The following AGPAT4 variants were observed in gnomAD, a reference collection of about 807,000 sequenced individuals.
AGPAT4 encodes the protein 1-acyl-sn-glycerol-3-phosphate acyltransferase delta.
A neutral mutation model predicts 48.0 loss-of-function variants in AGPAT4; 15 were observed. That is an observed-to-expected ratio of 0.31 (90% CI 0.21 to 0.48). The LOEUF is 0.48. AGPAT4 is among the 20% of genes least tolerant of loss of function. The pLI is 0.99. For synonymous variants in AGPAT4, 178 were observed against 198.7 expected, an observed-to-expected ratio of 0.90 and a Z score of 0.88; for missense variants, 314 against 482.5, an observed-to-expected ratio of 0.65 and a Z score of 3.27.
Position 161,136,240 on chromosome 6 carries a change from C to T in AGPAT4, c.*300G>A, listed in dbSNP as rs934047965. ...CGGTCCCCAGCCCTGCCCTCCCCTG[C>T]AGCCTAAAATACCCTTTCTATGATC... On this transcript the variant is annotated 3_prime_UTR_variant, in exon 9 of 9. Transcript: ENST00000320285. 2.5e-5 allele frequency: 9 copies of T among 362,068 alleles called. No homozygotes were observed. In the Admixed American group the frequency reaches 4.0e-4, roughly 16 times the overall value. The allele number at this position is 362,068 out of a possible 1,614,324, so 22.4% of individuals were successfully genotyped here. A position where few individuals can be genotyped will look rare whatever the true frequency, so the allele number is the denominator to read the frequency against.
Position 161,219,916 on chromosome 6 carries a change from C to CAGGCAGGCAGGCAGGCGGCAGGCA in AGPAT4, c.178+12119_178+12120insTGCCTGCCGCCTGCCTGCCTGCCT, listed in dbSNP as rs770490075. On this transcript the variant is annotated intron_variant, in intron 2 of 8. Transcript: ENST00000320285. The surrounding 1 kb of genome is among the most constrained non-coding windows in gnomAD (Gnocchi z 4.9). ...GCAGGCAGGCAGGCAGGCAGGCAGG[C>CAGGCAGGCAGGCAGGCGGCAGGCA]GGCAGGCAGGCAGGCAGGCAGGCAG... 1.2e-3 allele frequency among the ~76,000 whole-genome samples: 125 copies of CAGGCAGGCAGGCAGGCGGCAGGCA among 106,030 alleles called. No homozygotes were observed. The highest frequency in any genetic ancestry group is 1.6e-3 in the Non-Finnish European group (78 of 49,242). 69.6% of individuals were successfully genotyped at this position (106,030 alleles called of 152,430 possible).
intron 2 of AGPAT4, among the ~76,000 whole-genome samples, chr6:161,172,367 C>A (rs907862983): frequency 1.3e-5 from 2 of 152,218 alleles, no homozygotes; most frequent in Non-Finnish European, 2.9e-5. Flanking sequence ...ACCTGCCGAG[C>A]ACAGGGGGCA....
At position 161,149,093 on chromosome 6, in the gene AGPAT4, C is replaced by A; in HGVS notation, c.767+94G>T. ...AGACTGCAAAGAAGTCAGTGTGACC[C>A]AGGGATCCCTGGAAGAAAGTCTCTA... is the stretch of plus-strand genomic sequence containing the variant. On this transcript the variant is annotated intron_variant, in intron 6 of 8. Coordinates refer to ENST00000320285, the MANE Select transcript of AGPAT4 (RefSeq NM_020133.3). The surrounding 1 kb of genome is among the most constrained non-coding windows in gnomAD (Gnocchi z 6.5). 1 of 1,480,500 alleles carries A rather than the reference C, an allele frequency of 6.8e-7. No homozygotes were observed. Among genetic ancestry groups the A allele is most frequent in the Non-Finnish European group, 9.0e-7 (1 of 1,112,010 alleles). The allele number at this position is 1,480,500 out of a possible 1,614,324, so 91.7% of individuals were successfully genotyped here.
At position 161,136,558 on chromosome 6, in the gene AGPAT4, C is replaced by CT; in HGVS notation, c.1118dup (p.Gln374AlafsTer5). ...CCCTGAGTCAGTCATTCAGTTTCTG[C>CT]TTGCTGTCAGAGTTGCCGTAGGCAG... On this transcript the variant is annotated frameshift_variant, in exon 9 of 9. Coordinates refer to ENST00000320285, the MANE Select transcript of AGPAT4 (RefSeq NM_020133.3). LOFTEE classifies it high-confidence loss of function. 6.2e-7 allele frequency: 1 copy of CT among 1,614,170 alleles called. No individual in the cohort carries two copies. The highest frequency in any genetic ancestry group is 8.5e-7 in the Non-Finnish European group (1 of 1,180,032).
chr6:161,240,132 T>G lies in AGPAT4; in HGVS notation c.-89-7830A>C, dbSNP rs1214756001. Among the ~76,000 whole-genome samples the G allele has an allele frequency of 6.7e-6, 1 of 149,798 alleles. No individual in the cohort carries two copies. The highest frequency in any genetic ancestry group is 1.5e-5 in the Non-Finnish European group (1 of 67,586). ...TGATATTAAGTGACAGGATACAAAA[T>G]CATGTGGAGAAAATAATCACAACTC... On this transcript the variant is annotated intron_variant, in intron 1 of 8. Transcript: ENST00000320285. This position sits in a 1 kb window ranked among gnomAD's most constrained non-coding sequence, Gnocchi z 5.5.
Position 161,143,095 on chromosome 6 carries a change from C to G in AGPAT4, c.843+3429G>C, listed in dbSNP as rs938742075. ...TCCTTCACTTATTTCTCTTTAGAGACAGGGTCTTGCTCTGCTGCCCAGGCT... is the reference window on the plus strand; with the variant it reads ...TCCTTCACTTATTTCTCTTTAGAGAGAGGGTCTTGCTCTGCTGCCCAGGCT... On this transcript the variant is annotated intron_variant, in intron 7 of 8. Coordinates refer to ENST00000320285, the MANE Select transcript of AGPAT4 (RefSeq NM_020133.3). This position sits in a 1 kb window ranked among gnomAD's most constrained non-coding sequence, Gnocchi z 4.7. Among the ~76,000 whole-genome samples the G allele has an allele frequency of 6.6e-6, 1 of 152,192 alleles. No individual in the cohort carries two copies. The highest frequency in any genetic ancestry group is 1.5e-5 in the Non-Finnish European group (1 of 68,044).
At chr6:161,174,209 G>A (rs1012758135) in intron 2 of AGPAT4, among the ~76,000 whole-genome samples, 47 of 152,218 alleles carry the variant, frequency 3.1e-4, no homozygotes, top group African/African-American at 1.1e-3. Context: ...TGATAGGGAT[G>A]GCATTGAATC....
In AGPAT4 at chr6:161,202,513, G is replaced by A. The variant is rs778763473; in HGVS notation, c.178+29523C>T. 2.2e-4 allele frequency among the ~76,000 whole-genome samples: 34 copies of A among 152,098 alleles called. No homozygotes were observed. The highest frequency in any genetic ancestry group is 3.4e-4 in the African/African-American group (14 of 41,398). ...TTGAAGAGAAGAGAGTTACTAGCCC[G>A]CACTCAGGAGTTAGGGAAATGGGGT... On this transcript the variant is annotated intron_variant, in intron 2 of 8. Coordinates refer to ENST00000320285, the MANE Select transcript of AGPAT4 (RefSeq NM_020133.3). This position sits in a 1 kb window ranked among gnomAD's most constrained non-coding sequence, Gnocchi z 5.4.
Position 161,235,439 on chromosome 6 carries a change from T to C in AGPAT4, c.-89-3137A>G, listed in dbSNP as rs1356285631. 6.6e-6 allele frequency among the ~76,000 whole-genome samples: 1 copy of C among 152,210 alleles called. No homozygotes were observed. The highest frequency in any genetic ancestry group is 2.4e-5 in the African/African-American group (1 of 41,462). On this transcript the variant is annotated intron_variant, in intron 1 of 8. Coordinates refer to ENST00000320285, the MANE Select transcript of AGPAT4 (RefSeq NM_020133.3). This position sits in a 1 kb window ranked among gnomAD's most constrained non-coding sequence, Gnocchi z 6.2. ...GATTAAAAGAAACGTGGCTGAATTA[T>C]GTAGGGGTGTGTCTGGAGGACAAAT... is the stretch of plus-strand genomic sequence containing the variant.
chr6:161,133,117 C>T lies in AGPAT4; in HGVS notation c.*3423G>A, dbSNP rs923434454. The T allele has an allele frequency of 6.6e-6, 1 of 152,196 alleles. No individual in the cohort carries two copies. Among genetic ancestry groups the T allele is most frequent in the African/African-American group, 2.4e-5 (1 of 41,432 alleles). 9.4% of individuals were successfully genotyped at this position (152,196 alleles called of 1,614,324 possible). ...ACCCTAGAGAATCTTCACTGGATAC[C>T]TTGCTTCACACTTTGGTCAATATTT... On this transcript the variant is annotated 3_prime_UTR_variant, in exon 9 of 9. Transcript: ENST00000320285.
In AGPAT4 at chr6:161,134,808, C is replaced by T. The variant is rs10945713; in HGVS notation, c.*1732G>A. The T allele has an allele frequency of 0.33, 50,555 of 152,224 alleles. 9,485 individuals carry two copies. Among genetic ancestry groups the T allele is most frequent in the Non-Finnish European group, 0.41 (28,057 of 68,046 alleles). 9.4% of individuals were successfully genotyped at this position (152,224 alleles called of 1,614,324 possible). A position where few individuals can be genotyped will look rare whatever the true frequency, so the allele number is the denominator to read the frequency against. The stretch of plus-strand genomic sequence containing the variant: ...CTAAGGTCACGTCCTGGGCTTTTGC[C>T]CACAGATCTCTGCACACGGTGCTTC... On this transcript the variant is annotated 3_prime_UTR_variant, in exon 9 of 9. Coordinates refer to ENST00000320285, the MANE Select transcript of AGPAT4 (RefSeq NM_020133.3).
chr6:161,184,536 T>G lies in AGPAT4; in HGVS notation c.179-18119A>C, dbSNP rs1780711027. ...AGTGGTAGGTTCTCGTGATGTTCTG[T>G]GTAGCCCTGGCCTCCCCTGGCCCTG... On this transcript the variant is annotated intron_variant, in intron 2 of 8. Transcript: ENST00000320285. This position sits in a 1 kb window ranked among gnomAD's most constrained non-coding sequence, Gnocchi z 4.8. Among the ~76,000 whole-genome samples, 2 of 152,134 alleles carry G rather than the reference T, an allele frequency of 1.3e-5. No homozygotes were observed. Among genetic ancestry groups the G allele is most frequent in the African/African-American group, 4.8e-5 (2 of 41,498 alleles).
rs1782177472 is a variant in AGPAT4 at position 161,233,246 on chromosome 6, T to A, written c.-89-944A>T. On this transcript the variant is annotated intron_variant, in intron 1 of 8. Coordinates refer to ENST00000320285, the MANE Select transcript of AGPAT4 (RefSeq NM_020133.3). This position sits in a 1 kb window ranked among gnomAD's most constrained non-coding sequence, Gnocchi z 5.4. ...AATCAGTCTCCAGCTCAAAACAGAA[T>A]AATGAAATGACTTTACAGTTTGGGA... is the stretch of plus-strand genomic sequence containing the variant. Among the ~76,000 whole-genome samples the A allele has an allele frequency of 6.6e-6, 1 of 152,048 alleles. No homozygotes were observed. The highest frequency in any genetic ancestry group is 1.5e-5 in the Non-Finnish European group (1 of 68,028).
chr6:161,267,773 G>A lies in AGPAT4; in HGVS notation c.-90+6165C>T, dbSNP rs1783309284. On this transcript the variant is annotated intron_variant, in intron 1 of 8. Transcript: ENST00000320285. This position sits in a 1 kb window ranked among gnomAD's most constrained non-coding sequence, Gnocchi z 5.2. ...TAGCTGGGCATGTTAGTACACACCTGTAGTCCCAGCTACTTGGGAAGCTGA... is the reference window on the plus strand; with the variant it reads ...TAGCTGGGCATGTTAGTACACACCTATAGTCCCAGCTACTTGGGAAGCTGA... Among the ~76,000 whole-genome samples the A allele has an allele frequency of 6.6e-6, 1 of 152,088 alleles. No individual in the cohort carries two copies. Among genetic ancestry groups the A allele is most frequent in the African/African-American group, 2.4e-5 (1 of 41,416 alleles).
At chr6:161,194,602 G>A (rs927983365) in intron 2 of AGPAT4, among the ~76,000 whole-genome samples, 1 of 151,554 alleles carries the variant, frequency 6.6e-6, no homozygotes, top group Admixed American at 6.6e-5. Flanking sequence ...GTATGTATGT[G>A]TGTCTATGTA....
chr6:161,258,070 A>C (rs1782992394), intron 1 of AGPAT4, among the ~76,000 whole-genome samples: 1 of 152,140 alleles, frequency 6.6e-6, no homozygotes. Context: ...GAAGGAAAAA[A>C]CTCCTGCGTG....
Position 161,185,901 on chromosome 6 carries a change from C to T in AGPAT4, c.179-19484G>A, listed in dbSNP as rs1439870364. Among the ~76,000 whole-genome samples, 3 of 152,158 alleles carry T rather than the reference C, an allele frequency of 2.0e-5. No individual in the cohort carries two copies. In the East Asian group the frequency reaches 5.8e-4, roughly 29 times the overall value. On this transcript the variant is annotated intron_variant, in intron 2 of 8. Transcript: ENST00000320285. ...TAATTTCTGAAAGAGATGAAGATTACAATGCAATTTGAAAATACTTTGCAT... is the reference window on the plus strand; with the variant it reads ...TAATTTCTGAAAGAGATGAAGATTATAATGCAATTTGAAAATACTTTGCAT...
Position 161,232,887 on chromosome 6 carries a change from C to T in AGPAT4, c.-89-585G>A, listed in dbSNP as rs1417275422. 2.6e-5 allele frequency among the ~76,000 whole-genome samples: 4 copies of T among 152,206 alleles called. No individual in the cohort carries two copies. The highest frequency in any genetic ancestry group is 9.6e-5 in the African/African-American group (4 of 41,452). The stretch of plus-strand genomic sequence containing the variant: ...CCTCAAGCAACCGGGACTAGGGAAG[C>T]ATTTACTTGAAAACCACCACTGTTT... On this transcript the variant is annotated intron_variant, in intron 1 of 8. Coordinates refer to ENST00000320285, the MANE Select transcript of AGPAT4 (RefSeq NM_020133.3). The surrounding 1 kb of genome is among the most constrained non-coding windows in gnomAD (Gnocchi z 6.8).
chr6:161,185,565 C>T (rs923805898), intron 2 of AGPAT4, among the ~76,000 whole-genome samples: 1 of 152,176 alleles, frequency 6.6e-6, no homozygotes, highest in Non-Finnish European at 1.5e-5. Context: ...CAACTCGATA[C>T]CTGCCAGTAG....
Sources: gnomAD v4.1 joint callset for allele counts (sites outside exome capture counted in the v4.1 genomes callset) on GRCh38, gnomAD v4.1.1 for gene constraint, Gnocchi (gnomAD v3.1) non-coding constraint, MANE v1.5 for transcripts, NCBI Gene and HGNC (gene_info 2026-07-23, HGNC 2026-07-21) for gene names.